The following GFRA1 variants were observed in gnomAD, a reference collection of about 807,000 sequenced individuals.
The protein encoded by GFRA1 is GDNF family receptor alpha-1.
GFRA1 carries 16 observed loss-of-function variants against 51.6 expected under a neutral mutation model. That is an observed-to-expected ratio of 0.31 (90% CI 0.21 to 0.47). The LOEUF is 0.47. Ranked by LOEUF, GFRA1 falls within the 20% of genes least tolerant of loss-of-function variation. The probability of loss-of-function intolerance (pLI) is 1.00; values close to 1 mark genes in which losing one functional copy is unlikely to be tolerated. For synonymous variants in GFRA1, 270 were observed against 241.3 expected, an observed-to-expected ratio of 1.12 and a Z score of -1.10; for missense variants, 530 against 594.3, an observed-to-expected ratio of 0.89 and a Z score of 1.13.
chr10:116,064,525 C>A lies in GFRA1; in HGVS notation c.1271G>T (p.Gly424Val). The A allele has an allele frequency of 6.2e-7, 1 of 1,613,258 alleles. No homozygotes were observed. Among genetic ancestry groups the A allele is most frequent in the Non-Finnish European group, 8.5e-7 (1 of 1,179,398 alleles). The change falls in exon 11 of 11, where the codon GGT (glycine) becomes GTT (valine). Residue 424 changes from glycine to valine, a missense_variant. Transcript: ENST00000355422. Reference protein sequence around the residue: ...CISNGNYEKEGLGASSHITTK... With the variant: ...CISNGNYEKEVLGASSHITTK... ...GGTTATGTGGCTGGAAGCACCGAGA[C>A]CTTCTTTTTCATAATTACCCTGTAA...
chr10:116,122,686 G>T (rs1231973513), intron 6 of GFRA1, among the ~76,000 whole-genome samples: 1 of 152,150 alleles, frequency 6.6e-6, no homozygotes, highest in Non-Finnish European at 1.5e-5. Flanking sequence ...AATATGTGTG[G>T]GGGAGGTCTC....
intron 9 of GFRA1, among the ~76,000 whole-genome samples, chr10:116,069,317 T>C (rs1008401754): frequency 1.3e-5 from 2 of 152,200 alleles, no homozygotes; most frequent in Admixed American, 6.5e-5. Context: ...TTTATAGCTA[T>C]AAGGTTTAGG....
chr10:116,185,292 C>G (rs1439208915), intron 5 of GFRA1, among the ~76,000 whole-genome samples: 2 of 152,096 alleles, frequency 1.3e-5, no homozygotes, highest in East Asian at 3.9e-4. Context: ...AATCTCCAGG[C>G]TTTGGAGGAG....
intron 9 of GFRA1, among the ~76,000 whole-genome samples, chr10:116,067,662 G>A (rs1955176424): frequency 6.6e-6 from 1 of 152,178 alleles, no homozygotes; most frequent in East Asian, 1.9e-4. Flanking sequence ...TGATTAGAAA[G>A]GAGCTTTCAT....
chr10:116,165,391 C>G (rs1455116835), intron 5 of GFRA1, among the ~76,000 whole-genome samples: 2 of 146,102 alleles, frequency 1.4e-5, no homozygotes, highest in East Asian at 1.9e-4. Flanking sequence ...GGGAAAAAAC[C>G]CTTATTCAAG....
At position 116,272,169 on chromosome 10, in the gene GFRA1, A is replaced by G. The variant is rs532241479; in HGVS notation, c.-140T>C. The G allele has an allele frequency of 1.5e-4, 119 of 772,702 alleles. 1 individual carries two copies. The highest frequency in any genetic ancestry group is 2.5e-4 in the Non-Finnish European group (112 of 455,284). 47.9% of individuals were successfully genotyped at this position (772,702 alleles called of 1,614,324 possible). A position where few individuals can be genotyped will look rare whatever the true frequency, so the allele number is the denominator to read the frequency against. ...CCCAAAGTTCAGCTCCATCCAGTGAAAGAGGAAACTCCGGGTCTGGCAGCA... is the reference window on the plus strand; with the variant it reads ...CCCAAAGTTCAGCTCCATCCAGTGAGAGAGGAAACTCCGGGTCTGGCAGCA... On this transcript the variant is annotated 5_prime_UTR_variant, in exon 2 of 11. Transcript: ENST00000355422. The surrounding 1 kb of genome is among the most constrained non-coding windows in gnomAD (Gnocchi z 4.4).
chr10:116,119,084 C>G (rs1253103389), intron 6 of GFRA1, among the ~76,000 whole-genome samples: 1 of 152,202 alleles, frequency 6.6e-6, no homozygotes, highest in African/African-American at 2.4e-5. Flanking sequence ...GCTGATAGAG[C>G]TCTGCTGCTG....
At position 116,081,489 on chromosome 10, in the gene GFRA1, G is replaced by A. The variant is rs114327928; in HGVS notation, c.1197+8252C>T. 2.5e-3 allele frequency among the ~76,000 whole-genome samples: 383 copies of A among 152,320 alleles called. 6 individuals carry two copies. The highest frequency in any genetic ancestry group is 8.8e-3 in the African/African-American group (366 of 41,564). On this transcript the variant is annotated intron_variant, in intron 9 of 10. Transcript: ENST00000355422. The stretch of plus-strand genomic sequence containing the variant: ...AAAGTGCTCTGGTTTCGGTAATACA[G>A]TGTAGCCATTTATAATGGGGGCAGG...
chr10:116,156,407 A>T (rs1959199881), intron 5 of GFRA1, among the ~76,000 whole-genome samples: 1 of 150,730 alleles, frequency 6.6e-6, no homozygotes. Flanking sequence ...AATGATATTT[A>T]CATGCTTTTA....
intron 4 of GFRA1, among the ~76,000 whole-genome samples, chr10:116,260,858 C>T (rs1969246934): frequency 6.6e-6 from 1 of 151,486 alleles, no homozygotes; most frequent in East Asian, 1.9e-4. Flanking sequence ...CTCTAAATTA[C>T]AGGAAGTGGT....
intron 3 of GFRA1, among the ~76,000 whole-genome samples, chr10:116,269,977 C>CGGTT (rs1843770290): frequency 6.6e-6 from 1 of 152,122 alleles, no homozygotes; most frequent in Non-Finnish European, 1.5e-5. Context: ...ACCTGGCATA[C>CGGTT]GGTTGGAAAG....
At chr10:116,160,913 C>T (rs1183897516) in intron 5 of GFRA1, among the ~76,000 whole-genome samples, 1 of 152,178 alleles carries the variant, frequency 6.6e-6, no homozygotes, top group African/African-American at 2.4e-5. Flanking sequence ...TTGGGTTACA[C>T]GATCTTAATT....
chr10:116,114,155 T>C (rs1040260704), intron 6 of GFRA1, among the ~76,000 whole-genome samples: 25 of 152,072 alleles, frequency 1.6e-4, no homozygotes, highest in African/African-American at 6.0e-4. Context: ...GACTCAGACA[T>C]AAGCACCTCT....
intron 4 of GFRA1, among the ~76,000 whole-genome samples, chr10:116,212,445 A>C (rs1251217493): frequency 1.3e-5 from 2 of 151,688 alleles, no homozygotes; most frequent in Non-Finnish European, 2.9e-5. Flanking sequence ...ACTTGAACCC[A>C]GGAGGAGGAG....
At chr10:116,230,998 T>G (rs1486341673) in intron 4 of GFRA1, among the ~76,000 whole-genome samples, 1 of 152,286 alleles carries the variant, frequency 6.6e-6, no homozygotes, top group East Asian at 1.9e-4. Flanking sequence ...AGGGCTAGCT[T>G]ACTGATGGGG....
intron 4 of GFRA1, among the ~76,000 whole-genome samples, chr10:116,247,445 GCTT>G (rs1967959021): frequency 6.6e-6 from 1 of 152,188 alleles, no homozygotes; most frequent in East Asian, 1.9e-4. Flanking sequence ...CCTTCAAAGA[GCTT>G]CTCATTAGTT....
At chr10:116,240,121 C>T (rs903808201) in intron 4 of GFRA1, among the ~76,000 whole-genome samples, 6 of 152,110 alleles carry the variant, frequency 3.9e-5, no homozygotes, top group African/African-American at 1.2e-4. Flanking sequence ...GTTCATCAAG[C>T]CACCAAGAAA....
At chr10:116,124,605 A>G (rs776486847) in intron 6 of GFRA1, among the ~76,000 whole-genome samples, 15 of 152,328 alleles carry the variant, frequency 9.8e-5, no homozygotes, top group Non-Finnish European at 2.2e-4. Context: ...AGAAATGGCC[A>G]AAAAGCAAAA....
At chr10:116,243,682 G>A (rs551392052) in intron 4 of GFRA1, among the ~76,000 whole-genome samples, 1 of 152,048 alleles carries the variant, frequency 6.6e-6, no homozygotes, top group Admixed American at 6.5e-5. Context: ...TCTGGGAGTG[G>A]GGTCCAGGTA....
Sources: gnomAD v4.1 joint callset for allele counts (sites outside exome capture counted in the v4.1 genomes callset) on GRCh38, gnomAD v4.1.1 for gene constraint, Gnocchi (gnomAD v3.1) non-coding constraint, MANE v1.5 for transcripts, NCBI Gene and HGNC (gene_info 2026-07-23, HGNC 2026-07-21) for gene names.